Variants in ATP1B4 observed in about 807,000 individuals in gnomAD.
ATP1B4 encodes protein ATP1B4.
ATP1B4 carries 32 observed loss-of-function variants against 29.6 expected under a neutral mutation model. The observed-to-expected ratio is 1.08, with a 90% CI of 0.82 to 1.45. The LOEUF is 1.45. Ranked by LOEUF, ATP1B4 falls within the 40% of genes most tolerant of loss-of-function variation. ATP1B4 has a pLI of 0.00. For missense variants in ATP1B4, 323 were observed against 276.2 expected, an observed-to-expected ratio of 1.17 and a Z score of -1.20; for synonymous variants, 127 against 102.1, an observed-to-expected ratio of 1.24 and a Z score of -1.47.
At chrX:120,367,017 A>G (rs1261190279) in intron 2 of ATP1B4, among the ~76,000 whole-genome samples, 1 of 112,503 alleles carries the variant, frequency 8.9e-6, no homozygotes, top group East Asian at 2.8e-4. Flanking sequence ...ACTGGGCTCA[A>G]CATCAGTTGC....
At position 120,375,603 on chromosome X, in the gene ATP1B4, G is replaced by A. The variant is rs201901846; in HGVS notation, c.759+35G>A. On this transcript the variant is annotated intron_variant, in intron 5 of 7. Transcript: ENST00000218008. ...CTTTTCATATCTGGTGGTGATAAGCGAATGAACTAGATAGGAGGGCTCTGG... is the reference window on the plus strand; with the variant it reads ...CTTTTCATATCTGGTGGTGATAAGCAAATGAACTAGATAGGAGGGCTCTGG... 155 of 1,122,943 alleles carry A rather than the reference G, an allele frequency of 1.4e-4. No homozygotes were observed. In the African/African-American group the frequency reaches 2.4e-3, roughly 18 times the overall value. The allele number at this position is 1,122,943 out of a possible 1,213,427, so 92.5% of individuals were successfully genotyped here.
intron 5 of ATP1B4, among the ~76,000 whole-genome samples, chrX:120,376,007 G>C (rs2058352953): frequency 9.0e-6 from 1 of 111,673 alleles, no homozygotes; most frequent in Admixed American, 9.6e-5. Context: ...ATTGAAATGA[G>C]GGTGGCATGG....
intron 2 of ATP1B4, among the ~76,000 whole-genome samples, chrX:120,369,991 C>T (rs1032867376): frequency 2.7e-5 from 3 of 111,202 alleles, no homozygotes; most frequent in African/African-American, 6.6e-5. Flanking sequence ...GATAAGAATC[C>T]GAGGTAAGTG....
chrX:120,366,499 G>A lies in ATP1B4; in HGVS notation c.64-26G>A, dbSNP rs370197442. The stretch of plus-strand genomic sequence containing the variant: ...CCATTGTACATTTTTTTTCAAAAAG[G>A]GTATTGTGTTTTGTCACTGTTCCAG... On this transcript the variant is annotated intron_variant, in intron 1 of 7. Coordinates refer to ENST00000218008, the MANE Select transcript of ATP1B4 (RefSeq NM_001142447.3). 34 of 1,178,428 alleles carry A rather than the reference G, an allele frequency of 2.9e-5. No individual in the cohort carries two copies. In the African/African-American group the frequency reaches 4.7e-4, roughly 16 times the overall value.
intron 5 of ATP1B4, 37 bp from the exon 6 acceptor site, chrX:120,376,343 G>A (rs760038707): frequency 8.4e-7 from 1 of 1,186,250 alleles, no homozygotes; most frequent in South Asian, 1.8e-5. Context: ...AATATGTTTT[G>A]TTAAAAAAAA....
intron 4 of ATP1B4, among the ~76,000 whole-genome samples, chrX:120,374,804 ATTATATT>A (rs1233826343): frequency 1.6e-4 from 5 of 31,526 alleles, no homozygotes; most frequent in African/African-American, 2.2e-4. Flanking sequence ...CCTTATATAT[ATTATATT>A]ATATATAAGG....
At chrX:120,365,399 G>A (rs1241530989) in intron 1 of ATP1B4, among the ~76,000 whole-genome samples, 1 of 112,065 alleles carries the variant, frequency 8.9e-6, no homozygotes, top group African/African-American at 3.3e-5. Flanking sequence ...AATCCAATTT[G>A]CTGAGCCCTC....
chrX:120,376,298 G>C (rs1488749174), intron 5 of ATP1B4, 82 bp from the exon 6 acceptor site: 1 of 910,831 alleles, frequency 1.1e-6, no homozygotes, highest in East Asian at 3.1e-5. Flanking sequence ...GCATGACTGG[G>C]AGGAAGGTTA....
At position 120,379,580 on chromosome X, in the gene ATP1B4, C is replaced by T; in HGVS notation, c.1020C>T (p.Val340=). 1.7e-6 allele frequency: 2 copies of T among 1,210,771 alleles called. No individual in the cohort carries two copies. Among genetic ancestry groups the T allele is most frequent in the Non-Finnish European group, 2.2e-6 (2 of 895,010 alleles). The change falls in exon 8 of 8, where the codon GTC becomes GTT. Residue 340 remains valine (V), a synonymous_variant. Coordinates refer to ENST00000218008, the MANE Select transcript of ATP1B4 (RefSeq NM_001142447.3). ...AGGGCAAAGGCGTCATAAATGATGTCATCAATGATCGTTTTGTGGGCAGGG... is the reference window on the plus strand; with the variant it reads ...AGGGCAAAGGCGTCATAAATGATGTTATCAATGATCGTTTTGTGGGCAGGG... The part of the protein sequence containing the change: ...QLKGKGVIND[V]INDRFVGRVI...
In ATP1B4 at chrX:120,366,654, G is replaced by A; in HGVS notation, c.193G>A (p.Glu65Lys). 1 of 1,210,273 alleles carries A rather than the reference G, an allele frequency of 8.3e-7. No individual in the cohort carries two copies. The highest frequency in any genetic ancestry group is 1.1e-6 in the Non-Finnish European group (1 of 894,430). ...EEEEEKEEEE[E>K]EEKEEEEGQG... ...AGAGGAGGAGAAAGAAGAGGAGGAA[G>A]AGGAGGAAAAGGAGGAGGAAGAGGG... Residue 65 changes from glutamate (E) to lysine (K), a missense_variant, in exon 2 of 8, where the codon GAG (glutamate) becomes AAG (lysine). By Grantham distance (56) the Glu-to-Lys change is moderately conservative (BLOSUM62 1). Transcript: ENST00000218008.
intron 5 of ATP1B4, 63 bp from the exon 6 acceptor site, chrX:120,376,317 C>T: frequency 9.0e-7 from 1 of 1,108,707 alleles, no homozygotes; most frequent in Non-Finnish European, 1.2e-6. Flanking sequence ...TAGAAAAGCC[C>T]AATTTTTTAC....
At chrX:120,366,425 A>G (rs2058285771) in intron 1 of ATP1B4, 100 bp from the exon 2 acceptor site, 11 of 950,817 alleles carry the variant, frequency 1.2e-5, no homozygotes, top group Non-Finnish European at 1.6e-5. Context: ...AATTTGAAGC[A>G]TCTCCAAATA....
At chrX:120,367,391 G>A (rs2058291580) in intron 2 of ATP1B4, among the ~76,000 whole-genome samples, 1 of 112,189 alleles carries the variant, frequency 8.9e-6, no homozygotes, top group African/African-American at 3.2e-5. Context: ...GTCTTCTTCT[G>A]CTATGATAGA....
intron 2 of ATP1B4, among the ~76,000 whole-genome samples, chrX:120,369,444 G>C (rs1276718031): frequency 8.9e-6 from 1 of 111,924 alleles, no homozygotes; most frequent in African/African-American, 3.3e-5. Context: ...TTTGGTTCAT[G>C]GTTCAATTTA....
intron 4 of ATP1B4, 26 bp from the exon 5 acceptor site, chrX:120,375,346 C>T (rs762903430): frequency 3.4e-6 from 4 of 1,182,906 alleles, no homozygotes; most frequent in Non-Finnish European, 4.6e-6. Context: ...TCTAACATAA[C>T]CTGTTGCCAC....
rs1406886317 is a variant in ATP1B4 at position 120,374,123 on chromosome X, CT to C, written c.563-1248del. Among the ~76,000 whole-genome samples the C allele has an allele frequency of 4.5e-5, 5 of 111,320 alleles. No individual in the cohort carries two copies. In the Admixed American group the frequency reaches 4.8e-4, roughly 11 times the overall value. On this transcript the variant is annotated intron_variant, in intron 4 of 7. Coordinates refer to ENST00000218008, the MANE Select transcript of ATP1B4 (RefSeq NM_001142447.3). ...GACAGAGTAATCCACACCCAGCCAG[CT>C]GTGCGGGAGACTGGATTTTTATTAT... is the stretch of plus-strand genomic sequence containing the variant.
At chrX:120,377,515 G>A (rs904324513) in intron 6 of ATP1B4, among the ~76,000 whole-genome samples, 2 of 111,968 alleles carry the variant, frequency 1.8e-5, no homozygotes, top group African/African-American at 3.2e-5. Context: ...AAATTTCATT[G>A]CTTTTTAGAA....
rs78360050 is a variant in ATP1B4 at position 120,371,131 on chromosome X, T to G, written c.483T>G (p.His161Gln). Residue 161 changes from histidine to glutamine, a missense_variant, in exon 4 of 8, where the codon CAT (histidine) becomes CAG (glutamine). Coordinates refer to ENST00000218008, the MANE Select transcript of ATP1B4 (RefSeq NM_001142447.3). ...PPGVMIRPFA[H>Q]SLNFNFNVSE... ...GAGTTATGATCAGACCCTTCGCCCA[T>G]AGCCTTAACTTCAACTTCAACGTTT... The G allele has an allele frequency of 8.7e-5, 105 of 1,209,416 alleles. No individual in the cohort carries two copies. The East Asian group carries it at 2.9e-3, about 33-fold the overall frequency.
Position 120,382,859 on chromosome X carries a change from T to A in ATP1B4, c.*3225T>A, listed in dbSNP as rs1000992348. The A allele has an allele frequency of 8.9e-6, 1 of 112,237 alleles. No homozygotes were observed. Among genetic ancestry groups the A allele is most frequent in the Admixed American group, 9.5e-5 (1 of 10,564 alleles). The allele number at this position is 112,237 out of a possible 1,213,427, so 9.2% of individuals were successfully genotyped here. ...ATAGTTTGGGTTGTCAGCTAGGACA[T>A]GAAAAATGTAGGTTTACTATACAGA... On this transcript the variant is annotated 3_prime_UTR_variant, in exon 8 of 8. Transcript: ENST00000218008.
Sources: gnomAD v4.1 joint callset for allele counts (sites outside exome capture counted in the v4.1 genomes callset) on GRCh38, gnomAD v4.1.1 for gene constraint, MANE v1.5 for transcripts, NCBI Gene and HGNC (gene_info 2026-07-23, HGNC 2026-07-21) for gene names.